Variants in KCNMB3 observed in about 807,000 individuals in gnomAD.
The protein encoded by KCNMB3 is calcium-activated potassium channel subunit beta-3.
KCNMB3 carries 18 observed loss-of-function variants against 11.9 expected under a neutral mutation model. The ratio of observed to expected loss-of-function variants is 1.51; its 90% CI spans 1.04 to 2.23. The LOEUF (loss-of-function observed/expected upper bound fraction) is 2.23. Among genes scored for constraint, KCNMB3 ranks in the 30% most tolerant of loss-of-function variants. The pLI, the probability that KCNMB3 is intolerant of heterozygous loss-of-function variation, is 0.00. For missense variants in KCNMB3, 247 were observed against 329.4 expected, an observed-to-expected ratio of 0.75 and a Z score of 1.94; for synonymous variants, 78 against 119.2, an observed-to-expected ratio of 0.65 and a Z score of 2.25.
intron 1 of KCNMB3, chr3:179,261,416 G>A (rs1726206509): frequency 1.9e-6 from 2 of 1,055,466 alleles, no homozygotes; most frequent in South Asian, 9.1e-5. Flanking sequence ...CGCGCTTCCG[G>A]GGCCAAGAGC....
chr3:179,255,193 T>TA (rs1274984669), upstream of KCNMB3, among the ~76,000 whole-genome samples: 11 of 147,938 alleles, frequency 7.4e-5, no homozygotes, highest in Admixed American at 5.4e-4. Context: ...AAATACATAA[T>TA]AAAAAATAAA....
chr3:179,245,981 A>G (rs557724510), intron 1 of KCNMB3, among the ~76,000 whole-genome samples: 5 of 152,354 alleles, frequency 3.3e-5, no homozygotes, highest in African/African-American at 1.2e-4. Flanking sequence ...AAACGAGGGG[A>G]AGAGGAAACG....
At chr3:179,256,914 C>A (rs1726028749) in intron 1 of KCNMB3, among the ~76,000 whole-genome samples, 1 of 152,154 alleles carries the variant, frequency 6.6e-6, no homozygotes, top group African/African-American at 2.4e-5. Context: ...ATAGTCCCAA[C>A]ACTTTGGGAA....
chr3:179,247,792 T>G (rs997490649), intron 1 of KCNMB3, among the ~76,000 whole-genome samples: 1 of 152,142 alleles, frequency 6.6e-6, no homozygotes, highest in African/African-American at 2.4e-5. Context: ...ATCTTTCCCC[T>G]AACAATGGTA....
At chr3:179,251,607 C>G, upstream of KCNMB3, 1 of 1,271,064 alleles carries the variant, frequency 7.9e-7, no homozygotes, top group Non-Finnish European at 9.9e-7. Context: ...GATACATTCT[C>G]GCAGGGCAGG....
At chr3:179,249,293 G>A (rs1211518588) in intron 1 of KCNMB3, among the ~76,000 whole-genome samples, 13 of 148,910 alleles carry the variant, frequency 8.7e-5, no homozygotes, top group South Asian at 2.1e-4. Flanking sequence ...GATTACAGGC[G>A]TGAGCCACCG....
intron 1 of KCNMB3, among the ~76,000 whole-genome samples, chr3:179,249,945 G>C (rs1725777949): frequency 6.6e-6 from 1 of 152,118 alleles, no homozygotes; most frequent in Non-Finnish European, 1.5e-5. Flanking sequence ...TAATACCCAG[G>C]TGATGGGTTG....
upstream of KCNMB3, among the ~76,000 whole-genome samples, chr3:179,254,509 G>A (rs1725948292): frequency 6.6e-6 from 1 of 152,010 alleles, no homozygotes; most frequent in African/African-American, 2.4e-5. Flanking sequence ...ATTTAACTTA[G>A]GCCTTAAAAG....
intron 1 of KCNMB3, chr3:179,259,139 T>C: frequency 6.3e-7 from 1 of 1,577,470 alleles, no homozygotes; most frequent in South Asian, 1.2e-5. Context: ...CATGGTTTTT[T>C]AGGCTATTGC....
chr3:179,256,303 G>T (rs143751475), upstream of KCNMB3, among the ~76,000 whole-genome samples: 260 of 152,196 alleles, frequency 1.7e-3, 3 homozygotes, highest in African/African-American at 5.9e-3. Flanking sequence ...GGACGTGGTG[G>T]CACACACCTG....
intron 1 of KCNMB3, among the ~76,000 whole-genome samples, chr3:179,246,858 C>T (rs1424217814): frequency 6.6e-6 from 1 of 152,112 alleles, no homozygotes; most frequent in South Asian, 2.1e-4. Flanking sequence ...ATGCACAAGG[C>T]CCCGGTCAGA....
intron 1 of KCNMB3, among the ~76,000 whole-genome samples, chr3:179,245,309 A>G (rs1421826503): frequency 1.3e-5 from 2 of 152,164 alleles, no homozygotes; most frequent in African/African-American, 4.8e-5. Flanking sequence ...ACAAGGTACA[A>G]TTCCACATAC....
upstream of KCNMB3, chr3:179,251,615 AGG>A: frequency 7.9e-7 from 1 of 1,271,842 alleles, no homozygotes; most frequent in Non-Finnish European, 9.9e-7. Context: ...CTCGCAGGGC[AGG>A]GTGTCTGGTG....
chr3:179,246,474 C>G (rs1308310601), intron 1 of KCNMB3, among the ~76,000 whole-genome samples: 1 of 152,058 alleles, frequency 6.6e-6, no homozygotes, highest in African/African-American at 2.4e-5. Flanking sequence ...TGCACTCTCA[C>G]TAATCTCTTT....
rs1397857982 is a variant in KCNMB3 at position 179,243,145 on chromosome 3, A to G, written c.587T>C (p.Ile196Thr). 1 of 1,534,688 alleles carries G rather than the reference A, an allele frequency of 6.5e-7. No individual in the cohort carries two copies. The change falls in exon 3 of 3, where the codon ATT becomes ACT. Residue 196 changes from isoleucine to threonine, a missense_variant. Around this residue, in one of 2 missense-constraint regions of KCNMB3, gnomAD observed 87 missense variants for 171.9 expected, o/e 0.51. Coordinates refer to ENST00000392685, the MANE Select transcript of KCNMB3 (RefSeq NM_171830.2). ...CATTTGGTCATACTTTTTTATAAGA[A>G]TGACATCTTCAGATTGGCTGGCTGG... ...YSPASQSEDV[I>T]LIKKYDQMAI...
intron 1 of KCNMB3, chr3:179,260,729 T>A: frequency 6.9e-7 from 1 of 1,440,632 alleles, no homozygotes; most frequent in Non-Finnish European, 9.8e-7. Flanking sequence ...CAGGGCCTCC[T>A]TGACTTCAGC....
At chr3:179,262,376 C>T (rs533104796) in intron 1 of KCNMB3, among the ~76,000 whole-genome samples, 26 of 152,108 alleles carry the variant, frequency 1.7e-4, no homozygotes, top group Middle Eastern at 3.4e-3. Context: ...CTTAAGGCGG[C>T]GCCTCTGGAG....
intron 1 of KCNMB3, among the ~76,000 whole-genome samples, chr3:179,246,862 G>A (rs374699158): frequency 3.3e-5 from 5 of 152,078 alleles, no homozygotes; most frequent in Admixed American, 2.6e-4. Flanking sequence ...ACAAGGCCCC[G>A]GTCAGAGCCT....
At chr3:179,255,842 G>A (rs897775033), upstream of KCNMB3, among the ~76,000 whole-genome samples, 33 of 152,190 alleles carry the variant, frequency 2.2e-4, no homozygotes, top group African/African-American at 8.0e-4. Context: ...TCAAAGTAAT[G>A]ACAATTTGGC....
Sources: gnomAD v4.1 joint callset for allele counts (sites outside exome capture counted in the v4.1 genomes callset) on GRCh38, gnomAD v4.1.1 for gene constraint, gnomAD v4.1.1 regional missense constraint, MANE v1.5 for transcripts, NCBI Gene and HGNC (gene_info 2026-07-23, HGNC 2026-07-21) for gene names.